ROBO2: variants seen among roughly 807,000 people sequenced by gnomAD.
ROBO2 encodes roundabout guidance receptor 2.
A neutral mutation model predicts 160.8 loss-of-function variants in ROBO2; 53 were observed. That is an observed-to-expected ratio of 0.33 (90% CI 0.26 to 0.41). The LOEUF is 0.41. ROBO2 is among the 10% of genes least tolerant of loss of function. The pLI is 1.00. For missense variants in ROBO2, 1,577 were observed against 1,722.4 expected, an observed-to-expected ratio of 0.92 and a Z score of 1.49; for synonymous variants, 664 against 611.7, an observed-to-expected ratio of 1.09 and a Z score of -1.26.
At chr3:77,476,521 C>A (rs1263032487) in intron 2 of ROBO2, among the ~76,000 whole-genome samples, 1 of 152,002 alleles carries the variant, frequency 6.6e-6, no homozygotes, top group East Asian at 1.9e-4. Context: ...GTATATGGTA[C>A]ATTTGCTGAT....
In ROBO2 at chr3:77,263,834, A is replaced by G. The variant is rs139904224; in HGVS notation, c.388+165494A>G. 7.0e-4 allele frequency among the ~76,000 whole-genome samples: 107 copies of G among 152,264 alleles called. 1 individual carries two copies. The East Asian group carries it at 0.02, about 28-fold the overall frequency. On this transcript the variant is annotated intron_variant, in intron 2 of 25. Transcript: ENST00000461745. ...TTAGAATTTCTTAACTTTACTATGA[A>G]CCACTCAAAATACTTGAATTTGCAC...
chr3:77,384,567 T>A (rs1369265654), intron 2 of ROBO2, among the ~76,000 whole-genome samples: 1 of 152,182 alleles, frequency 6.6e-6, no homozygotes, highest in Non-Finnish European at 1.5e-5. Context: ...GAGAAGATTA[T>A]GTGTGGCTTT....
chr3:76,963,184 A>C (rs904289994), intron 2 of ROBO2, among the ~76,000 whole-genome samples: 1 of 152,160 alleles, frequency 6.6e-6, no homozygotes, highest in South Asian at 2.1e-4. Flanking sequence ...TCTAAAATGT[A>C]TATTCTCAGC....
At chr3:77,148,488 G>A (rs12492882) in intron 2 of ROBO2, among the ~76,000 whole-genome samples, 5,832 of 152,170 alleles carry the variant, frequency 0.038, 164 homozygotes, top group East Asian at 0.088. Flanking sequence ...TTCTTAGTTC[G>A]TATTTCTCAT....
intron 2 of ROBO2, among the ~76,000 whole-genome samples, chr3:76,848,925 A>G (rs962474684): frequency 6.6e-6 from 1 of 152,340 alleles, no homozygotes; most frequent in African/African-American, 2.4e-5. Flanking sequence ...AAAAATTCGC[A>G]TTTGGCAACA....
At chr3:77,277,732 C>T (rs9856255) in intron 2 of ROBO2, among the ~76,000 whole-genome samples, 102,519 of 151,978 alleles carry the variant, frequency 0.67, 35,667 homozygotes, top group African/African-American at 0.83. Context: ...TTCCATGTCT[C>T]TGCTGTTGTG....
intron 2 of ROBO2, among the ~76,000 whole-genome samples, chr3:77,385,501 C>A (rs988575090): frequency 2.6e-5 from 4 of 152,118 alleles, no homozygotes; most frequent in African/African-American, 9.7e-5. Context: ...GTGTATAGAT[C>A]TAGAACATTT....
intron 3 of ROBO2, among the ~76,000 whole-genome samples, chr3:77,478,281 A>G (rs1431985208): frequency 6.6e-6 from 1 of 152,250 alleles, no homozygotes; most frequent in Non-Finnish European, 1.5e-5. Flanking sequence ...GGTGATGAAT[A>G]TCTCAAATGC....
intron 2 of ROBO2, among the ~76,000 whole-genome samples, chr3:77,259,347 G>A (rs551618254): frequency 1.2e-3 from 184 of 152,238 alleles, no homozygotes; most frequent in Middle Eastern, 3.4e-3. Flanking sequence ...TTTGTTTTGC[G>A]TGTCTCTATA....
At chr3:77,539,229 G>T (rs1445969843) in intron 6 of ROBO2, among the ~76,000 whole-genome samples, 1 of 152,098 alleles carries the variant, frequency 6.6e-6, no homozygotes, top group Non-Finnish European at 1.5e-5. Flanking sequence ...CCTTTTGCAG[G>T]AACTTTTAAA....
rs534721708 is a variant in ROBO2, at chr3:76,142,071, G to A, written c.109+204469G>A. ...ATAAGACACAAATGCAATAACAAAC[G>A]GATTCAGTAAATGTTCAGGAAAGGG... On this transcript the variant is annotated intron_variant, in intron 2 of 26. Transcript: ENST00000487694. Among the ~76,000 whole-genome samples, 12 of 151,986 alleles carry A rather than the reference G, an allele frequency of 7.9e-5. No homozygotes were observed. In the South Asian group the frequency reaches 1.7e-3, roughly 21 times the overall value.
chr3:77,085,480 A>G (rs939481910), intron 1 of ROBO2, among the ~76,000 whole-genome samples: 7 of 152,136 alleles, frequency 4.6e-5, no homozygotes, highest in African/African-American at 1.7e-4. Context: ...ATATCCTCCA[A>G]ATACCCCTGA....
chr3:76,977,591 T>C (rs990334463), intron 2 of ROBO2, among the ~76,000 whole-genome samples: 2 of 152,170 alleles, frequency 1.3e-5, no homozygotes, highest in African/African-American at 4.8e-5. Context: ...GAGAAAGCTT[T>C]GGTTCACTGC....
intron 2 of ROBO2, among the ~76,000 whole-genome samples, chr3:77,455,742 T>G (rs2081573249): frequency 6.6e-6 from 1 of 152,052 alleles, no homozygotes; most frequent in Admixed American, 6.6e-5. Flanking sequence ...ATACTCTTTT[T>G]TTTTTTTTTA....
At chr3:76,286,050 T>C (rs1708488954) in intron 2 of ROBO2, among the ~76,000 whole-genome samples, 1 of 152,194 alleles carries the variant, frequency 6.6e-6, no homozygotes, top group Non-Finnish European at 1.5e-5. Flanking sequence ...ATGTAAACAC[T>C]TCTCCTAAGT....
intron 2 of ROBO2, among the ~76,000 whole-genome samples, chr3:77,292,906 C>T (rs1260710536): frequency 6.7e-6 from 1 of 149,456 alleles, no homozygotes; most frequent in Non-Finnish European, 1.5e-5. Flanking sequence ...TAAGCTGAGG[C>T]TAGATCACCA....
At chr3:77,618,273 C>G (rs540651561) in intron 22 of ROBO2, 1 of 158,328 alleles carries the variant, frequency 6.3e-6, no homozygotes, top group Non-Finnish European at 1.4e-5. Context: ...AAAAGACTCT[C>G]TTTACCTGAG....
chr3:76,658,001 A>G (rs947582282), intron 2 of ROBO2, among the ~76,000 whole-genome samples: 2 of 149,000 alleles, frequency 1.3e-5, no homozygotes, highest in Admixed American at 1.3e-4. Context: ...CAGGGCGTTG[A>G]GGCTGTGGTG....
intron 2 of ROBO2, among the ~76,000 whole-genome samples, chr3:77,016,122 GC>G (rs1352670702): frequency 2.6e-5 from 4 of 151,812 alleles, no homozygotes; most frequent in Non-Finnish European, 5.9e-5. Context: ...GACTACAGGC[GC>G]CCGCCACCAC....
Sources: gnomAD v4.1 joint callset for allele counts (sites outside exome capture counted in the v4.1 genomes callset) on GRCh38, gnomAD v4.1.1 for gene constraint, MANE v1.5 for transcripts, NCBI Gene and HGNC (gene_info 2026-07-23, HGNC 2026-07-21) for gene names.